The following CLIP4 variants were observed in gnomAD, a reference collection of about 807,000 sequenced individuals.
The protein encoded by CLIP4 is CAP-Gly domain-containing linker protein 4.
CLIP4 carries 47 observed loss-of-function variants against 73.1 expected under a neutral mutation model. The observed-to-expected ratio is 0.64, with a 90% confidence interval of 0.51 to 0.82. The LOEUF (loss-of-function observed/expected upper bound fraction) is 0.82, where lower values mean the gene tolerates loss of function less well. CLIP4 is among the 40% of genes least tolerant of loss of function. The pLI is 0.00. For synonymous variants in CLIP4, 306 were observed against 295.4 expected, an observed-to-expected ratio of 1.04 and a Z score of -0.37; for missense variants, 874 against 852.9, an observed-to-expected ratio of 1.02 and a Z score of -0.31.
chr2:29,138,661 T>G (rs1665546460), intron 6 of CLIP4, among the ~76,000 whole-genome samples: 1 of 152,162 alleles, frequency 6.6e-6, no homozygotes, highest in Admixed American at 6.5e-5. Context: ...TTTTTCCATT[T>G]GTTTGTGTTC....
At chr2:29,141,799 T>G (rs764822129) in intron 6 of CLIP4, among the ~76,000 whole-genome samples, 1 of 152,170 alleles carries the variant, frequency 6.6e-6, no homozygotes. Context: ...GTGCTGTGTT[T>G]AGGCTGTTTA....
At chr2:29,124,141 C>T (rs190476369) in intron 2 of CLIP4, among the ~76,000 whole-genome samples, 65 of 152,176 alleles carry the variant, frequency 4.3e-4, no homozygotes, top group African/African-American at 1.1e-3. Context: ...CATTTCCTTC[C>T]GCCTGAAGCA....
intron 13 of CLIP4, among the ~76,000 whole-genome samples, chr2:29,164,690 C>T (rs1284996357): frequency 6.6e-6 from 1 of 152,112 alleles, no homozygotes; most frequent in Admixed American, 6.5e-5. Context: ...TGAGACTAGA[C>T]CTACGATCGC....
At chr2:29,136,837 A>G (rs1423396995) in intron 6 of CLIP4, among the ~76,000 whole-genome samples, 1 of 151,966 alleles carries the variant, frequency 6.6e-6, no homozygotes, top group Non-Finnish European at 1.5e-5. Context: ...ACAAAGCCCC[A>G]TTAGTGGGGA....
At chr2:29,142,288 T>C (rs143758357) in intron 6 of CLIP4, among the ~76,000 whole-genome samples, 340 of 152,078 alleles carry the variant, frequency 2.2e-3, no homozygotes, top group African/African-American at 7.7e-3. Flanking sequence ...TGTTATTTTA[T>C]TATTCTTACT....
chr2:29,149,410 C>CTTTTTTTTTTT (rs71403647), intron 8 of CLIP4, among the ~76,000 whole-genome samples: 1 of 138,334 alleles, frequency 7.2e-6, no homozygotes, highest in African/African-American at 2.7e-5. Context: ...TTCTCCTTTT[C>CTTTTTTTTTTT]TTTTTTTTTT....
chr2:29,139,761 T>G (rs1665630070), intron 6 of CLIP4, among the ~76,000 whole-genome samples: 1 of 152,144 alleles, frequency 6.6e-6, no homozygotes, highest in African/African-American at 2.4e-5. Flanking sequence ...TTCCTCTAGA[T>G]TTTCTAGTTT....
intron 2 of CLIP4, among the ~76,000 whole-genome samples, chr2:29,130,320 A>C (rs1013662220): frequency 3.3e-5 from 5 of 152,208 alleles, no homozygotes; most frequent in African/African-American, 1.2e-4. Flanking sequence ...AAATAGGGAG[A>C]CTTCCAAATC....
chr2:29,174,583 G>A (rs1327241079), intron 15 of CLIP4, 138 bp downstream of exon 15: 7 of 1,387,690 alleles, frequency 5.0e-6, no homozygotes, highest in Non-Finnish European at 6.5e-6. Flanking sequence ...TGTGATAAGT[G>A]TATTGAGAAG....
chr2:29,134,653 T>G (rs1665220811), intron 5 of CLIP4, among the ~76,000 whole-genome samples: 1 of 152,114 alleles, frequency 6.6e-6, no homozygotes. Flanking sequence ...AGGAAGGGTA[T>G]GTGGGTGTGG....
At chr2:29,098,012 A>G (rs1391036299) in intron 1 of CLIP4, 1 of 152,234 alleles carries the variant, frequency 6.6e-6, no homozygotes, top group Non-Finnish European at 1.5e-5. Flanking sequence ...ATTTCTGCTA[A>G]GGCAGAGGTG....
At chr2:29,158,794 A>G (rs1667104095) in intron 11 of CLIP4, among the ~76,000 whole-genome samples, 1 of 152,182 alleles carries the variant, frequency 6.6e-6, no homozygotes, top group Admixed American at 6.5e-5. Flanking sequence ...TATTAAAGAC[A>G]AGGTCTTGCT....
At chr2:29,137,204 C>A (rs1665428923) in intron 6 of CLIP4, among the ~76,000 whole-genome samples, 1 of 151,914 alleles carries the variant, frequency 6.6e-6, no homozygotes, top group Non-Finnish European at 1.5e-5. Flanking sequence ...TTAGGGGTCC[C>A]AGTGTCTGTT....
rs998275430 is a variant in CLIP4 at position 29,133,271 on chromosome 2, A to C, written c.368-384A>C. On this transcript the variant is annotated intron_variant, in intron 4 of 15. Transcript: ENST00000320081. ...ATATTAAATAGGGAAAAGCAATAAA[A>C]GGTACACACAGATTGCAATTTGGGA... Among the ~76,000 whole-genome samples, 4 of 152,220 alleles carry C rather than the reference A, an allele frequency of 2.6e-5. No individual in the cohort carries two copies. The East Asian group carries it at 7.7e-4, about 29-fold the overall frequency.
intron 1 of CLIP4, among the ~76,000 whole-genome samples, chr2:29,107,281 C>G (rs1668234960): frequency 6.6e-6 from 1 of 150,734 alleles, no homozygotes; most frequent in African/African-American, 2.4e-5. Flanking sequence ...ATGTAAACGC[C>G]TCAGATTTTC....
At chr2:29,161,493 C>T (rs549164302) in intron 12 of CLIP4, among the ~76,000 whole-genome samples, 81 of 152,174 alleles carry the variant, frequency 5.3e-4, no homozygotes, top group African/African-American at 1.9e-3. Flanking sequence ...TATTTGCAAG[C>T]TAACAAATTC....
At chr2:29,134,799 G>A (rs75906342) in intron 5 of CLIP4, among the ~76,000 whole-genome samples, 76 of 152,136 alleles carry the variant, frequency 5.0e-4, no homozygotes, top group African/African-American at 1.8e-3. Context: ...TATGTTAAAC[G>A]TTATTAACAT....
chr2:29,163,114 A>G (rs187814544), intron 12 of CLIP4, among the ~76,000 whole-genome samples: 298 of 152,234 alleles, frequency 2.0e-3, no homozygotes, highest in Non-Finnish European at 3.5e-3. Context: ...TATATTGGGT[A>G]AAACCACATT....
intron 1 of CLIP4, among the ~76,000 whole-genome samples, chr2:29,106,827 T>C (rs1668220207): frequency 6.6e-6 from 1 of 152,208 alleles, no homozygotes; most frequent in African/African-American, 2.4e-5. Context: ...GATAAAGATA[T>C]TGCATGATAT....
Sources: gnomAD v4.1 joint callset for allele counts (sites outside exome capture counted in the v4.1 genomes callset) on GRCh38, gnomAD v4.1.1 for gene constraint, MANE v1.5 for transcripts, NCBI Gene and HGNC (gene_info 2026-07-23, HGNC 2026-07-21) for gene names.